FBXW2: variants seen among roughly 807,000 people sequenced by gnomAD.
FBXW2 encodes the protein F-box and WD repeat domain containing 2.
Under a neutral mutation model 46.0 loss-of-function variants are expected in FBXW2, and 12 were observed. That is an observed-to-expected ratio of 0.26 (90% CI 0.17 to 0.42). The LOEUF (loss-of-function observed/expected upper bound fraction) is 0.42, where lower values mean the gene tolerates loss of function less well. Among genes scored for constraint, FBXW2 ranks in the 10% least tolerant of loss-of-function variants. The probability of loss-of-function intolerance (pLI) is 1.00; values close to 1 mark genes in which losing one functional copy is unlikely to be tolerated. For missense variants in FBXW2, 360 were observed against 537.0 expected (o/e 0.67, Z 3.26); for synonymous variants, 203 against 209.6 (o/e 0.97, Z 0.27).
chr9:120,785,791 G>C (rs2044707376), intron 3 of FBXW2, among the ~76,000 whole-genome samples: 2 of 152,066 alleles, frequency 1.3e-5, no homozygotes, highest in South Asian at 4.2e-4. Context: ...ACACTTTGGA[G>C]GGTGGATCAC....
At chr9:120,775,630 TTACTAAAGATCCTG>T (rs1328414556) in intron 5 of FBXW2, among the ~76,000 whole-genome samples, 1 of 152,206 alleles carries the variant, frequency 6.6e-6, no homozygotes, top group East Asian at 1.9e-4. Context: ...TTACAATATT[TTACTAAAGATCCTG>T]TACAGTTTTC....
intron 3 of FBXW2, among the ~76,000 whole-genome samples, chr9:120,783,233 T>C (rs865922950): frequency 6.6e-5 from 10 of 152,152 alleles, no homozygotes; most frequent in Middle Eastern, 3.2e-3. Context: ...GTGATGCAAG[T>C]CTACTCCTGA....
chr9:120,767,289 G>A (rs1057414199), intron 7 of FBXW2, among the ~76,000 whole-genome samples: 1 of 152,180 alleles, frequency 6.6e-6, no homozygotes, highest in African/African-American at 2.4e-5. Context: ...GCTGGCCCCT[G>A]CTTGAAAAGC....
chr9:120,759,721 G>C lies in FBXW2; in HGVS notation c.*4838C>G, dbSNP rs2044168773. Reference sequence around the variant, plus strand: ...ATATTAAAAACACATATTTACTTGGGCACATTTATGAAGAGTAGAAGTAGC... The same window carrying C: ...ATATTAAAAACACATATTTACTTGGCCACATTTATGAAGAGTAGAAGTAGC... On this transcript the variant is annotated 3_prime_UTR_variant, in exon 8 of 8. Coordinates refer to ENST00000608872, the MANE Select transcript of FBXW2 (RefSeq NM_012164.4). The C allele has an allele frequency of 6.6e-6, 1 of 152,164 alleles. No individual in the cohort carries two copies. Among genetic ancestry groups the C allele is most frequent in the Admixed American group, 6.5e-5 (1 of 15,276 alleles). 9.4% of individuals were successfully genotyped at this position (152,164 alleles called of 1,614,324 possible).
At chr9:120,771,663 C>G (rs2044377379) in intron 6 of FBXW2, 146 bp from the exon 7 acceptor site, 2 of 660,976 alleles carry the variant, frequency 3.0e-6, no homozygotes, top group African/African-American at 3.6e-5. Context: ...ATCACAGGTT[C>G]AAGTCTTAAT....
At chr9:120,788,796 C>T (rs184308480) in intron 2 of FBXW2, among the ~76,000 whole-genome samples, 52 of 152,244 alleles carry the variant, frequency 3.4e-4, no homozygotes, top group Admixed American at 3.4e-3. Context: ...CACAACCTGT[C>T]ACCAAAATCA....
intron 3 of FBXW2, among the ~76,000 whole-genome samples, 153 bp downstream of exon 3, chr9:120,787,615 TA>T (rs1425879392): frequency 2.0e-5 from 3 of 151,966 alleles, no homozygotes; most frequent in Non-Finnish European, 2.9e-5. Flanking sequence ...AGGAAGAGGA[TA>T]AGGGGGGGGA....
At chr9:120,770,329 T>G (rs1019501759) in intron 7 of FBXW2, among the ~76,000 whole-genome samples, 1 of 151,262 alleles carries the variant, frequency 6.6e-6, no homozygotes, top group African/African-American at 2.4e-5. Context: ...TGAGCAGAGA[T>G]TGTGCCACTG....
At chr9:120,784,338 A>G (rs1239723201) in intron 3 of FBXW2, among the ~76,000 whole-genome samples, 1 of 152,204 alleles carries the variant, frequency 6.6e-6, no homozygotes, top group African/African-American at 2.4e-5. Flanking sequence ...GGACCTAGGC[A>G]TAGTGGCTCA....
chr9:120,780,078 C>T (rs1468634079), intron 3 of FBXW2, among the ~76,000 whole-genome samples: 1 of 148,508 alleles, frequency 6.7e-6, no homozygotes, highest in Non-Finnish European at 1.5e-5. Context: ...GCAGAGGTTG[C>T]AATGAGCTGA....
intron 3 of FBXW2, among the ~76,000 whole-genome samples, chr9:120,785,996 G>A (rs941337306): frequency 1.5e-5 from 2 of 134,840 alleles, no homozygotes; most frequent in African/African-American, 2.8e-5. Flanking sequence ...TCCAACCTGG[G>A]TGACAGAGTG....
At position 120,762,595 on chromosome 9, in the gene FBXW2, C is replaced by T. The variant is rs1450897401; in HGVS notation, c.*1964G>A. ...TAATGATATCTGTCCTTGAAATTCA[C>T]CATTAATTTCTATCAACTTCACAGC... On this transcript the variant is annotated 3_prime_UTR_variant, in exon 8 of 8. Transcript: ENST00000608872. 1.3e-5 allele frequency: 2 copies of T among 152,156 alleles called. No individual in the cohort carries two copies. The highest frequency in any genetic ancestry group is 2.9e-5 in the Non-Finnish European group (2 of 68,034). The allele number at this position is 152,156 out of a possible 1,614,324, so 9.4% of individuals were successfully genotyped here. A position where few individuals can be genotyped will look rare whatever the true frequency, so the allele number is the denominator to read the frequency against.
intron 2 of FBXW2, among the ~76,000 whole-genome samples, chr9:120,791,915 G>C (rs1044941765): frequency 7.9e-5 from 12 of 152,048 alleles, no homozygotes; most frequent in African/African-American, 2.9e-4. Flanking sequence ...GCAACAAAAA[G>C]ACTCCTAAAT....
rs568121037 is a variant in FBXW2 at position 120,784,383 on chromosome 9, G to A, written c.490+3386C>T. 7.2e-4 allele frequency among the ~76,000 whole-genome samples: 109 copies of A among 152,122 alleles called. No homozygotes were observed. In the South Asian group the frequency reaches 0.02, roughly 28 times the overall value. ...TCCTAGCATTTTGGGAGGCTGAGACGGGCGGAGTGCTTGAGCCCAGGAGTT... is the reference window on the plus strand; with the variant it reads ...TCCTAGCATTTTGGGAGGCTGAGACAGGCGGAGTGCTTGAGCCCAGGAGTT... On this transcript the variant is annotated intron_variant, in intron 3 of 7. Transcript: ENST00000608872.
intron 4 of FBXW2, among the ~76,000 whole-genome samples, chr9:120,777,249 C>T (rs1588037491): frequency 6.6e-6 from 1 of 152,336 alleles, no homozygotes; most frequent in Middle Eastern, 3.4e-3. Context: ...TCCATGCATA[C>T]ATGCACCTTC....
chr9:120,774,337 C>A (rs1588034198), intron 5 of FBXW2, among the ~76,000 whole-genome samples: 7 of 76,086 alleles, frequency 9.2e-5, no homozygotes, highest in African/African-American at 1.9e-4. Flanking sequence ...AACTCCATCT[C>A]AAAAAAAAAA....
chr9:120,793,403 T>A lies in FBXW2; in HGVS notation c.-179A>T. The A allele has an allele frequency of 2.5e-6, 1 of 399,448 alleles. No individual in the cohort carries two copies. The highest frequency in any genetic ancestry group is 4.4e-6 in the Non-Finnish European group (1 of 226,778). 24.7% of individuals were successfully genotyped at this position (399,448 alleles called of 1,614,324 possible). On this transcript the variant is annotated 5_prime_UTR_variant, in exon 1 of 8. In the 5' UTR this introduces an upstream ATG that the reference lacks. Coordinates refer to ENST00000608872, the MANE Select transcript of FBXW2 (RefSeq NM_012164.4). ...GTCCGCAGCCTCACAGGGGAGCGGC[T>A]TCCGGTGCTGCCTGCGTCATCTCCG...
At chr9:120,788,660 A>G (rs2131376950) in intron 2 of FBXW2, among the ~76,000 whole-genome samples, 1 of 152,358 alleles carries the variant, frequency 6.6e-6, no homozygotes, top group African/African-American at 2.4e-5. Flanking sequence ...ATTATAAAAC[A>G]ATTTCCTTAA....
At chr9:120,777,016 T>C (rs1156307445) in intron 4 of FBXW2, among the ~76,000 whole-genome samples, 1 of 151,924 alleles carries the variant, frequency 6.6e-6, no homozygotes, top group Non-Finnish European at 1.5e-5. Flanking sequence ...ATATTGGAGA[T>C]GGGCCCTAAA....
Sources: gnomAD v4.1 joint callset for allele counts (sites outside exome capture counted in the v4.1 genomes callset) on GRCh38, gnomAD v4.1.1 for gene constraint, MANE v1.5 for transcripts, NCBI Gene and HGNC (gene_info 2026-07-23, HGNC 2026-07-21) for gene names.